FSHR: variants seen among roughly 807,000 people sequenced by gnomAD.
FSHR encodes the protein follicle stimulating hormone receptor, also known as follicle-stimulating hormone receptor.
Under a neutral mutation model 52.1 loss-of-function variants are expected in FSHR, and 46 were observed. That is an observed-to-expected ratio of 0.88 (90% CI 0.70 to 1.13). The LOEUF (loss-of-function observed/expected upper bound fraction) is 1.13, where lower values mean the gene tolerates loss of function less well. Ranked by LOEUF, FSHR falls within the 50% of genes most tolerant of loss-of-function variation. FSHR has a pLI of 0.00. For synonymous variants in FSHR, 399 were observed against 309.6 expected, an observed-to-expected ratio of 1.29 and a Z score of -3.03; for missense variants, 964 against 834.6, an observed-to-expected ratio of 1.16 and a Z score of -1.91.
rs138943564 is a variant in FSHR, at chr2:49,130,815, C to G, written c.152+23451G>C. On this transcript the variant is annotated intron_variant, in intron 1 of 9. Transcript: ENST00000406846. ...TTATTCCCTACTGGTGAGGGACATTCCTCGAGGCTGGCCAACCTTCCCTGG... is the reference window on the plus strand; with the variant it reads ...TTATTCCCTACTGGTGAGGGACATTGCTCGAGGCTGGCCAACCTTCCCTGG... 4.0e-3 allele frequency among the ~76,000 whole-genome samples: 614 copies of G among 152,284 alleles called. 2 individuals are homozygous for G. Among genetic ancestry groups the G allele is most frequent in the Non-Finnish European group, 5.7e-3 (390 of 68,018 alleles).
intron 1 of FSHR, among the ~76,000 whole-genome samples, chr2:49,140,759 A>G (rs576295915): frequency 6.6e-6 from 1 of 152,192 alleles, no homozygotes; most frequent in African/African-American, 2.4e-5. Flanking sequence ...AATAAATCTT[A>G]GAAAAGGCTA....
intron 1 of FSHR, among the ~76,000 whole-genome samples, chr2:49,084,238 A>G (rs1269192522): frequency 6.6e-6 from 1 of 152,154 alleles, no homozygotes; most frequent in East Asian, 1.9e-4. Context: ...CCTGCCCCTG[A>G]ATGACTACTG....
chr2:49,013,505 T>TAAATAA (rs1336943282), intron 4 of FSHR, among the ~76,000 whole-genome samples: 18 of 73,920 alleles, frequency 2.4e-4, no homozygotes, highest in Non-Finnish European at 6.2e-4. Flanking sequence ...TATATAAATA[T>TAAATAA]ATATATATAT....
intron 1 of FSHR, among the ~76,000 whole-genome samples, chr2:49,108,093 C>T (rs1248154798): frequency 1.3e-5 from 2 of 152,094 alleles, no homozygotes; most frequent in East Asian, 1.9e-4. Flanking sequence ...TCTAATCTGT[C>T]GAGGTCCTGA....
At chr2:49,065,328 C>A (rs1312646005) in intron 2 of FSHR, among the ~76,000 whole-genome samples, 1 of 151,986 alleles carries the variant, frequency 6.6e-6, no homozygotes, top group Non-Finnish European at 1.5e-5. Flanking sequence ...AAGCTTCATA[C>A]AGTAGGTTAT....
intron 1 of FSHR, among the ~76,000 whole-genome samples, chr2:49,148,508 A>T (rs1672948511): frequency 6.6e-6 from 1 of 152,026 alleles, no homozygotes; most frequent in African/African-American, 2.4e-5. Context: ...GAGCGTCCAG[A>T]ATACACATCG....
chr2:49,025,400 T>C (rs1667882855), intron 2 of FSHR, among the ~76,000 whole-genome samples: 1 of 152,162 alleles, frequency 6.6e-6, no homozygotes, highest in Non-Finnish European at 1.5e-5. Flanking sequence ...ACATTTTAGT[T>C]ACTAGAAAAA....
At chr2:49,043,573 T>C (rs796970554) in intron 2 of FSHR, among the ~76,000 whole-genome samples, 2 of 152,174 alleles carry the variant, frequency 1.3e-5, no homozygotes, top group South Asian at 4.1e-4. Flanking sequence ...TTTGAATCTG[T>C]CTGTTCTACA....
intron 4 of FSHR, among the ~76,000 whole-genome samples, chr2:48,991,520 C>T (rs542975008): frequency 2.0e-5 from 3 of 152,154 alleles, no homozygotes; most frequent in Middle Eastern, 3.2e-3. Context: ...GGTGTTAATT[C>T]CCCACTTATG....
At chr2:49,084,830 A>C (rs371177775) in intron 1 of FSHR, among the ~76,000 whole-genome samples, 4 of 152,222 alleles carry the variant, frequency 2.6e-5, no homozygotes, top group Non-Finnish European at 5.9e-5. Context: ...CAATAACAGG[A>C]TCTGAAATTG....
chr2:48,985,868 T>C (rs12998107), intron 6 of FSHR, among the ~76,000 whole-genome samples: 77,898 of 139,964 alleles, frequency 0.56, 22,785 homozygotes, highest in Non-Finnish European at 0.65. Context: ...CGCCCGCCAC[T>C]GCGCCCGGCT....
intron 4 of FSHR, among the ~76,000 whole-genome samples, chr2:48,991,647 T>C (rs977727285): frequency 3.9e-5 from 6 of 152,200 alleles, no homozygotes; most frequent in Non-Finnish European, 8.8e-5. Context: ...TGTTGTCCAG[T>C]TGCACTTGAG....
intron 4 of FSHR, among the ~76,000 whole-genome samples, chr2:49,015,237 T>A (rs1192271693): frequency 1.3e-5 from 2 of 152,286 alleles, no homozygotes; most frequent in East Asian, 3.9e-4. Flanking sequence ...ATAGTTTCTT[T>A]TCCATTCTGT....
At chr2:49,106,618 C>T (rs1264199282) in intron 1 of FSHR, among the ~76,000 whole-genome samples, 1 of 152,136 alleles carries the variant, frequency 6.6e-6, no homozygotes, top group Non-Finnish European at 1.5e-5. Context: ...TAAATTCAAC[C>T]AAACTGCAGG....
intron 9 of FSHR, among the ~76,000 whole-genome samples, chr2:48,964,828 G>C (rs930542218): frequency 6.6e-6 from 1 of 152,116 alleles, no homozygotes; most frequent in African/African-American, 2.4e-5. Flanking sequence ...GGATTTGAAT[G>C]AAATCCAGGT....
intron 4 of FSHR, chr2:48,997,387 A>G: frequency 1.0e-6 from 1 of 985,126 alleles, no homozygotes; most frequent in Non-Finnish European, 1.2e-6. Flanking sequence ...GCTCAAGGGT[A>G]ACATTTCCTA....
intron 2 of FSHR, among the ~76,000 whole-genome samples, chr2:49,045,673 T>G (rs3850344): frequency 0.67 from 102,536 of 152,038 alleles, 35,243 homozygotes; most frequent in African/African-American, 0.8. Context: ...ACACCTTATT[T>G]GAGCATTTTC....
intron 1 of FSHR, among the ~76,000 whole-genome samples, chr2:49,131,790 C>T (rs1672289439): frequency 6.6e-6 from 1 of 152,182 alleles, no homozygotes; most frequent in East Asian, 1.9e-4. Flanking sequence ...TCCTGTTTGA[C>T]TAGTTCTCCA....
intron 6 of FSHR, among the ~76,000 whole-genome samples, chr2:48,985,820 T>C (rs1002315507): frequency 2.9e-5 from 4 of 140,204 alleles, no homozygotes; most frequent in Non-Finnish European, 4.7e-5. Flanking sequence ...TTCACGCCAT[T>C]CTCCTGCCTC....
Sources: allele counts gnomAD v4.1 joint callset (sites outside exome capture counted in the v4.1 genomes callset), GRCh38; gene constraint gnomAD v4.1.1; transcripts MANE v1.5; gene names NCBI Gene and HGNC (gene_info 2026-07-23, HGNC 2026-07-21).